The following SGCD variants were observed in gnomAD, a reference collection of about 807,000 sequenced individuals.
SGCD encodes the protein delta-sarcoglycan.
SGCD carries 18 observed loss-of-function variants against 36.6 expected under a neutral mutation model. That is an observed-to-expected ratio of 0.49 (90% CI 0.34 to 0.73). The LOEUF is 0.73. Among genes scored for constraint, SGCD ranks in the 30% least tolerant of loss-of-function variants. SGCD has a pLI of 0.01. For synonymous variants in SGCD, 133 were observed against 130.6 expected, an observed-to-expected ratio of 1.02 and a Z score of -0.12; for missense variants, 387 against 346.7, an observed-to-expected ratio of 1.12 and a Z score of -0.92.
chr5:156,463,445 G>A (rs1314732065), intron 3 of SGCD, among the ~76,000 whole-genome samples: 1 of 152,026 alleles, frequency 6.6e-6, no homozygotes, highest in African/African-American at 2.4e-5. Flanking sequence ...TTGTAATAAA[G>A]TTCTATGGGA....
chr5:156,764,886 G>C lies in SGCD; in HGVS notation c.*5496G>C, dbSNP rs1191562932. The C allele has an allele frequency of 6.6e-6, 1 of 152,198 alleles. No homozygotes were observed. The highest frequency in any genetic ancestry group is 6.5e-5 in the Admixed American group (1 of 15,272). 9.4% of individuals were successfully genotyped at this position (152,198 alleles called of 1,614,324 possible). Reference sequence around the variant, plus strand: ...GCAGTAATATCATCACCCATTTTGAGATATGCAGGTGGAATAGAACAAAGA... The same window carrying C: ...GCAGTAATATCATCACCCATTTTGACATATGCAGGTGGAATAGAACAAAGA... On this transcript the variant is annotated 3_prime_UTR_variant, in exon 9 of 9. Coordinates refer to ENST00000337851, the MANE Select transcript of SGCD (RefSeq NM_000337.6).
the SGCD span, among the ~76,000 whole-genome samples, chr5:155,729,453 G>A: frequency 7.8e-3 from 1,189 of 152,366 alleles, 11 homozygotes; most frequent in African/African-American, 0.025. Context: ...AAGAGACAGA[G>A]AGACATGGGT....
At chr5:155,827,942 C>T in the SGCD span, among the ~76,000 whole-genome samples, 3 of 150,862 alleles carry the variant, frequency 2.0e-5, no homozygotes, top group East Asian at 2.0e-4. Context: ...CCACCTGCCT[C>T]GGCCTCCCAA....
chr5:156,729,500 T>C (rs1399118819), intron 7 of SGCD, among the ~76,000 whole-genome samples: 2 of 152,206 alleles, frequency 1.3e-5, no homozygotes, highest in African/African-American at 4.8e-5. Flanking sequence ...CTCAGGGTTG[T>C]AGCAAGCATG....
intron 1 of SGCD, among the ~76,000 whole-genome samples, chr5:155,989,196 G>A (rs1411549458): frequency 6.6e-6 from 1 of 152,168 alleles, no homozygotes; most frequent in African/African-American, 2.4e-5. Flanking sequence ...TTTCTATAGA[G>A]AATGAGATGT....
At chr5:156,630,021 C>G (rs1203527646) in intron 6 of SGCD, among the ~76,000 whole-genome samples, 1 of 151,892 alleles carries the variant, frequency 6.6e-6, no homozygotes, top group Non-Finnish European at 1.5e-5. Context: ...GCCACCATGC[C>G]CAGCTAATTT....
chr5:156,349,216 C>A (rs1769107331), intron 3 of SGCD, among the ~76,000 whole-genome samples: 1 of 151,738 alleles, frequency 6.6e-6, no homozygotes, highest in African/African-American at 2.4e-5. Context: ...ATGACTAAGA[C>A]CACAAAAACA....
the SGCD span, among the ~76,000 whole-genome samples, chr5:155,828,053 CACTT>C: frequency 1.3e-5 from 2 of 151,964 alleles, no homozygotes; most frequent in African/African-American, 2.4e-5. Context: ...GAGTAATACA[CACTT>C]ACTTAGCATC....
chr5:156,726,105 TG>T (rs1755760458), intron 7 of SGCD, among the ~76,000 whole-genome samples: 1 of 152,238 alleles, frequency 6.6e-6, no homozygotes, highest in Non-Finnish European at 1.5e-5. Flanking sequence ...GTTATCTTCT[TG>T]TAATCCATCT....
chr5:156,584,888 C>G (rs1015088746), intron 4 of SGCD, among the ~76,000 whole-genome samples: 4 of 152,146 alleles, frequency 2.6e-5, no homozygotes, highest in Non-Finnish European at 5.9e-5. Flanking sequence ...AACTCTCACT[C>G]TCTGTTGACT....
chr5:155,849,298 T>C, the SGCD span, among the ~76,000 whole-genome samples: 965 of 152,228 alleles, frequency 6.3e-3, 8 homozygotes, highest in Middle Eastern at 0.027. Context: ...GTTCACCAAC[T>C]GAAATATTAA....
chr5:155,770,385 G>T, the SGCD span, among the ~76,000 whole-genome samples: 4 of 151,988 alleles, frequency 2.6e-5, no homozygotes, highest in Non-Finnish European at 5.9e-5. Flanking sequence ...TGGGTGGGAA[G>T]AACATTCCAG....
intron 1 of SGCD, among the ~76,000 whole-genome samples, chr5:155,943,814 CTATT>C (rs1757382326): frequency 2.0e-5 from 3 of 152,180 alleles, no homozygotes; most frequent in Non-Finnish European, 4.4e-5. Context: ...CTCTCAAACT[CTATT>C]TACAGACTCT....
intron 7 of SGCD, among the ~76,000 whole-genome samples, chr5:156,683,207 G>C (rs773534460): frequency 6.6e-6 from 1 of 152,128 alleles, no homozygotes; most frequent in Non-Finnish European, 1.5e-5. Context: ...GATTGTTCAT[G>C]CTGTAAGATT....
At chr5:155,994,828 A>T (rs1758506401) in intron 1 of SGCD, among the ~76,000 whole-genome samples, 1 of 152,200 alleles carries the variant, frequency 6.6e-6, no homozygotes, top group Non-Finnish European at 1.5e-5. Flanking sequence ...CCATATTCAC[A>T]CTGATTCCAT....
At chr5:156,153,522 A>T (rs1227056381) in intron 3 of SGCD, among the ~76,000 whole-genome samples, 2 of 151,688 alleles carry the variant, frequency 1.3e-5, no homozygotes, top group Non-Finnish European at 2.9e-5. Flanking sequence ...TTATTTCCTT[A>T]TGTTTCATGG....
At chr5:156,321,201 G>C (rs1767654439) in intron 3 of SGCD, among the ~76,000 whole-genome samples, 1 of 152,122 alleles carries the variant, frequency 6.6e-6, no homozygotes, top group African/African-American at 2.4e-5. Context: ...GGGTGGATCA[G>C]GAGGTCAGAA....
At chr5:156,186,887 A>G in intron 3 of SGCD, among the ~76,000 whole-genome samples, 1 of 152,142 alleles carries the variant, frequency 6.6e-6, no homozygotes, top group East Asian at 1.9e-4. Flanking sequence ...TACTCATCCA[A>G]AGTTTTCCCA....
chr5:156,165,304 C>T (rs1313688870), intron 3 of SGCD, among the ~76,000 whole-genome samples: 1 of 152,066 alleles, frequency 6.6e-6, no homozygotes, highest in Admixed American at 6.5e-5. Flanking sequence ...GTTCCATCTG[C>T]TCTTTAATCT....
Sources: gnomAD v4.1 joint callset for allele counts (sites outside exome capture counted in the v4.1 genomes callset) on GRCh38, gnomAD v4.1.1 for gene constraint, MANE v1.5 for transcripts, NCBI Gene and HGNC (gene_info 2026-07-23, HGNC 2026-07-21) for gene names.